LTV1: variants seen among roughly 807,000 people sequenced by gnomAD.
LTV1 encodes the protein protein LTV1 homolog.
A neutral mutation model predicts 59.9 loss-of-function variants in LTV1; 39 were observed. The observed-to-expected ratio is 0.65, with a 90% CI of 0.50 to 0.85. The LOEUF is 0.85. Ranked by LOEUF, LTV1 falls within the 40% of genes least tolerant of loss-of-function variation. LTV1 has a pLI of 0.00. For missense variants in LTV1, 493 were observed against 549.1 expected (o/e 0.90, Z 1.02); for synonymous variants, 171 against 189.5 (o/e 0.90, Z 0.80).
intron 3 of LTV1, among the ~76,000 whole-genome samples, chr6:143,848,860 G>T (rs1297873736): frequency 2.0e-5 from 3 of 152,212 alleles, no homozygotes; most frequent in East Asian, 3.8e-4. Flanking sequence ...TTTCAGTCAG[G>T]CTGCCGAGAC....
At position 143,857,498 on chromosome 6, in the gene LTV1, G is replaced by T. The variant is rs977002259; in HGVS notation, c.539+54G>T. Reference sequence around the variant, plus strand: ...TGATGACCTAAGTGTTACTGCTTCAGTGGGATGGTAACCATAGAACGTTAC... The same window carrying T: ...TGATGACCTAAGTGTTACTGCTTCATTGGGATGGTAACCATAGAACGTTAC... On this transcript the variant is annotated intron_variant, in intron 5 of 10. Transcript: ENST00000367576. This position sits in a 1 kb window ranked among gnomAD's most constrained non-coding sequence, Gnocchi z 5.2. The T allele has an allele frequency of 6.8e-7, 1 of 1,470,174 alleles. No individual in the cohort carries two copies. The highest frequency in any genetic ancestry group is 9.5e-7 in the Non-Finnish European group (1 of 1,052,482). The allele number at this position is 1,470,174 out of a possible 1,614,324, so 91.1% of individuals were successfully genotyped here.
chr6:143,849,804 A>G (rs1425834374), intron 3 of LTV1, among the ~76,000 whole-genome samples: 14 of 152,114 alleles, frequency 9.2e-5, no homozygotes, highest in Admixed American at 9.2e-4. Context: ...GGGGGCTTAG[A>G]GGGAGAGGCT....
chr6:143,852,538 A>G (rs1582937933), intron 4 of LTV1, among the ~76,000 whole-genome samples: 1 of 152,098 alleles, frequency 6.6e-6, no homozygotes, highest in South Asian at 2.1e-4. Context: ...CTCTGATGAT[A>G]GTTTCTTTTG....
At chr6:143,852,762 G>C (rs1326413092) in intron 4 of LTV1, among the ~76,000 whole-genome samples, 1 of 152,092 alleles carries the variant, frequency 6.6e-6, no homozygotes, top group African/African-American at 2.4e-5. Flanking sequence ...GTAAAGAAGG[G>C]GTCCAATTTC....
In LTV1 at chr6:143,863,210, CA is replaced by C. The variant is rs1362975312; in HGVS notation, c.1243del (p.Thr415LeufsTer20). 1.2e-6 allele frequency: 2 copies of C among 1,613,952 alleles called. No homozygotes were observed. Among genetic ancestry groups the C allele is most frequent in the Non-Finnish European group, 8.5e-7 (1 of 1,179,928 alleles). On this transcript the variant is annotated frameshift_variant, in exon 10 of 11. Coordinates refer to ENST00000367576, the MANE Select transcript of LTV1 (RefSeq NM_032860.5). LOFTEE classifies it high-confidence loss of function. The surrounding 1 kb of genome is among the most constrained non-coding windows in gnomAD (Gnocchi z 4.5). Reference protein sequence around the residue: ...MINGSDLPKVSTQPRSKNESK... With the variant: ...MINGSDLPKVXTQPRSKNESK... The stretch of plus-strand genomic sequence containing the variant: ...AATGGCAGTGATCTTCCTAAAGTAT[CA>C]ACTCAGCCACGTTCTAAAAATGAAA...
At chr6:143,856,294 A>G (rs1389264388) in intron 4 of LTV1, among the ~76,000 whole-genome samples, 1 of 152,100 alleles carries the variant, frequency 6.6e-6, no homozygotes, top group African/African-American at 2.4e-5. Context: ...CAGGTCATTT[A>G]TGTTCTTCTC....
intron 2 of LTV1, among the ~76,000 whole-genome samples, chr6:143,844,831 A>T (rs1023640076): frequency 3.3e-5 from 5 of 152,168 alleles, no homozygotes; most frequent in Admixed American, 3.3e-4. Context: ...ATAAATTGTT[A>T]GCCAGCTGTT....
chr6:143,852,582 A>G (rs1357815574), intron 4 of LTV1, among the ~76,000 whole-genome samples: 1 of 152,068 alleles, frequency 6.6e-6, no homozygotes, highest in East Asian at 1.9e-4. Flanking sequence ...ATTAGATCCC[A>G]TTTGTCAATT....
At position 143,861,310 on chromosome 6, in the gene LTV1, C is replaced by T. The variant is rs1394428395; in HGVS notation, c.923+757C>T. ...AGGACAGGCTGGGCGTGGTGGTGTA[C>T]ACCTGTAATCCCAGCTGTTTGGGAG... On this transcript the variant is annotated intron_variant, in intron 7 of 10. Transcript: ENST00000367576. 3.3e-5 allele frequency among the ~76,000 whole-genome samples: 5 copies of T among 151,666 alleles called. No homozygotes were observed. In the East Asian group the frequency reaches 9.7e-4, roughly 29 times the overall value.
chr6:143,862,086 T>C lies in LTV1; in HGVS notation c.924-18T>C, dbSNP rs1445685096. On this transcript the variant is annotated intron_variant, in intron 7 of 10. Coordinates refer to ENST00000367576, the MANE Select transcript of LTV1 (RefSeq NM_032860.5). This position sits in a 1 kb window ranked among gnomAD's most constrained non-coding sequence, Gnocchi z 4.2. Reference sequence around the variant, plus strand: ...TTTTCCCCCTCTTGGTCTTCACTTTTAAAAACTCGTCTAAAAGTTGTGTAA... The same window carrying C: ...TTTTCCCCCTCTTGGTCTTCACTTTCAAAAACTCGTCTAAAAGTTGTGTAA... The C allele has an allele frequency of 6.2e-7, 1 of 1,604,454 alleles. No homozygotes were observed. Among genetic ancestry groups the C allele is most frequent in the Non-Finnish European group, 8.5e-7 (1 of 1,176,968 alleles).
chr6:143,863,097 T>A lies in LTV1; in HGVS notation c.1128T>A (p.Ile376=). ...LIKYQPKPKQ[I]RISSKTGIPL... ...TATCTGTATTTCAGCCCAAACAAATTCGAATATCTTCTAAAACAGGAATAC... is the reference window on the plus strand; with the variant it reads ...TATCTGTATTTCAGCCCAAACAAATACGAATATCTTCTAAAACAGGAATAC... The change falls in exon 10 of 11, where the codon ATT becomes ATA. Residue 376 remains isoleucine, a synonymous_variant. Transcript: ENST00000367576. The surrounding 1 kb of genome is among the most constrained non-coding windows in gnomAD (Gnocchi z 4.5). 2 of 1,613,588 alleles carry A rather than the reference T, an allele frequency of 1.2e-6. No individual in the cohort carries two copies. The highest frequency in any genetic ancestry group is 1.7e-6 in the Non-Finnish European group (2 of 1,179,668).
chr6:143,848,754 AAG>A (rs1776937568), intron 3 of LTV1, among the ~76,000 whole-genome samples: 3 of 152,178 alleles, frequency 2.0e-5, no homozygotes, highest in African/African-American at 7.2e-5. Flanking sequence ...ACACAAAGGG[AAG>A]TTCTAGGACA....
chr6:143,843,801 T>C (rs948551446), intron 1 of LTV1, among the ~76,000 whole-genome samples: 6 of 152,200 alleles, frequency 3.9e-5, no homozygotes, highest in Admixed American at 1.3e-4. Flanking sequence ...CCTGTGCTTC[T>C]TGGGGTCGAG....
chr6:143,852,975 T>G (rs536701079), intron 4 of LTV1, among the ~76,000 whole-genome samples: 7 of 152,318 alleles, frequency 4.6e-5, no homozygotes, highest in Non-Finnish European at 7.4e-5. Flanking sequence ...ACTGTAGCCA[T>G]GTAGTATAGT....
rs755237403 is a variant in LTV1, at chr6:143,843,498, G to GT, written c.3+21dup. ...GCAGCATGGTGAGCAAGCCTTGCTT[G>GT]TTTCGGCGGCCGAGCGCTGTGGTTT... is the stretch of plus-strand genomic sequence containing the variant. On this transcript the variant is annotated intron_variant, in intron 1 of 10. Coordinates refer to ENST00000367576, the MANE Select transcript of LTV1 (RefSeq NM_032860.5). The GT allele has an allele frequency of 1.9e-6, 3 of 1,613,458 alleles. No individual in the cohort carries two copies. Among genetic ancestry groups the GT allele is most frequent in the South Asian group, 1.1e-5 (1 of 91,040 alleles).
At chr6:143,858,175 G>A (rs776203361) in intron 6 of LTV1, 168 bp downstream of exon 6, 9 of 663,214 alleles carry the variant, frequency 1.4e-5, no homozygotes, top group African/African-American at 7.3e-5. Context: ...AAAGCAGAAG[G>A]GTATCAGTGC....
chr6:143,858,668 A>G (rs6929888), intron 6 of LTV1: 2,186 of 153,520 alleles, frequency 0.014, 46 homozygotes, highest in African/African-American at 0.05. Flanking sequence ...CAGTCCACTC[A>G]AGGACCTTGA....
chr6:143,859,031 C>T (rs1433894677), intron 6 of LTV1, among the ~76,000 whole-genome samples: 1 of 152,110 alleles, frequency 6.6e-6, no homozygotes, highest in Non-Finnish European at 1.5e-5. Context: ...CCCTTGAATT[C>T]TGACATCCTG....
At chr6:143,850,421 T>C (rs1329741516) in intron 4 of LTV1, among the ~76,000 whole-genome samples, 3 of 152,232 alleles carry the variant, frequency 2.0e-5, no homozygotes, top group Admixed American at 2.0e-4. Flanking sequence ...TCTTTTGAGT[T>C]CCTGTTTGGA....
Sources: gnomAD v4.1 joint callset for allele counts (sites outside exome capture counted in the v4.1 genomes callset) on GRCh38, gnomAD v4.1.1 for gene constraint, Gnocchi (gnomAD v3.1) non-coding constraint, MANE v1.5 for transcripts, NCBI Gene and HGNC (gene_info 2026-07-23, HGNC 2026-07-21) for gene names.